CTNNA3: variants seen among roughly 807,000 people sequenced by gnomAD.
CTNNA3 encodes catenin alpha-3.
CTNNA3 carries 76 observed loss-of-function variants against 95.7 expected under a neutral mutation model. The observed-to-expected ratio is 0.79, with a 90% CI of 0.66 to 0.96. The LOEUF is 0.96. Among genes scored for constraint, CTNNA3 ranks in the 40% least tolerant of loss-of-function variants. The probability of loss-of-function intolerance (pLI) is 0.00; values close to 1 mark genes in which losing one functional copy is unlikely to be tolerated. For missense variants in CTNNA3, 1,191 were observed against 1,089.8 expected (o/e 1.09, Z -1.31); for synonymous variants, 431 against 374.4 (o/e 1.15, Z -1.74).
intron 15 of CTNNA3, among the ~76,000 whole-genome samples, chr10:66,041,707 G>T (rs2079691882): frequency 6.6e-6 from 1 of 151,208 alleles, no homozygotes; most frequent in South Asian, 2.1e-4. Context: ...ACATCAACTA[G>T]CATTTGCATT....
intron 13 of CTNNA3, among the ~76,000 whole-genome samples, chr10:66,235,712 C>G (rs980203928): frequency 6.6e-6 from 1 of 151,964 alleles, no homozygotes; most frequent in Non-Finnish European, 1.5e-5. Flanking sequence ...ATGAACATAT[C>G]CGATATTGGA....
intron 7 of CTNNA3, among the ~76,000 whole-genome samples, chr10:66,795,880 A>G (rs1234997689): frequency 6.6e-6 from 1 of 152,104 alleles, no homozygotes; most frequent in Non-Finnish European, 1.5e-5. Context: ...TCATGAACCA[A>G]CTTTTGCTAC....
chr10:66,717,266 A>G (rs1035947888), intron 9 of CTNNA3, among the ~76,000 whole-genome samples: 3 of 152,260 alleles, frequency 2.0e-5, no homozygotes, highest in African/African-American at 7.2e-5. Context: ...ACCCCGACTG[A>G]CACAGGTAAA....
At chr10:66,838,928 T>C (rs1406816019) in intron 7 of CTNNA3, among the ~76,000 whole-genome samples, 1 of 152,190 alleles carries the variant, frequency 6.6e-6, no homozygotes, top group Non-Finnish European at 1.5e-5. Flanking sequence ...TCTAAGTCCT[T>C]GGGTAGCCCC....
chr10:67,361,133 C>T (rs1016085374), intron 5 of CTNNA3, among the ~76,000 whole-genome samples: 2 of 152,070 alleles, frequency 1.3e-5, no homozygotes, highest in African/African-American at 2.4e-5. Flanking sequence ...CAGAACACAA[C>T]TGCCTATAGA....
intron 11 of CTNNA3, among the ~76,000 whole-genome samples, chr10:66,518,570 T>C (rs964145846): frequency 2.6e-5 from 4 of 152,134 alleles, no homozygotes; most frequent in African/African-American, 9.7e-5. Flanking sequence ...ATGTTGTTCA[T>C]AATAATTAAA....
intron 13 of CTNNA3, among the ~76,000 whole-genome samples, chr10:66,235,744 A>ATAGT (rs2089820957): frequency 6.6e-6 from 1 of 150,758 alleles, no homozygotes; most frequent in Non-Finnish European, 1.5e-5. Flanking sequence ...AAATACCCAG[A>ATAGT]TAGTTATGAT....
chr10:66,687,570 G>A (rs906106144), intron 9 of CTNNA3, among the ~76,000 whole-genome samples: 2 of 152,066 alleles, frequency 1.3e-5, no homozygotes, highest in Non-Finnish European at 2.9e-5. Context: ...ATTGTAGGAT[G>A]AATTACAAAC....
chr10:67,422,564 A>T (rs1845783203), intron 5 of CTNNA3, among the ~76,000 whole-genome samples: 1 of 152,030 alleles, frequency 6.6e-6, no homozygotes, highest in South Asian at 2.1e-4. Flanking sequence ...AAATTAGAGG[A>T]GGGGCCTGGT....
chr10:67,410,492 A>G (rs1845322006), intron 5 of CTNNA3, among the ~76,000 whole-genome samples: 1 of 152,158 alleles, frequency 6.6e-6, no homozygotes, highest in Non-Finnish European at 1.5e-5. Context: ...CACAACCTGT[A>G]CATGTACCCC....
chr10:66,295,685 C>T (rs913310692), intron 12 of CTNNA3, among the ~76,000 whole-genome samples: 1 of 152,138 alleles, frequency 6.6e-6, no homozygotes, highest in East Asian at 1.9e-4. Flanking sequence ...GAACTTTTTC[C>T]TCAGTGACTG....
intron 10 of CTNNA3, among the ~76,000 whole-genome samples, chr10:66,543,746 T>C (rs916036351): frequency 6.6e-6 from 1 of 151,544 alleles, no homozygotes; most frequent in East Asian, 1.9e-4. Flanking sequence ...ATTTCAATTA[T>C]AAGGAAAGCT....
chr10:66,399,197 T>C (rs1222708342), intron 11 of CTNNA3, among the ~76,000 whole-genome samples: 2 of 149,998 alleles, frequency 1.3e-5, no homozygotes, highest in Admixed American at 6.7e-5. Context: ...TGTTTTCTTA[T>C]AGTATTATTC....
At chr10:66,908,451 C>T (rs1846084665) in intron 7 of CTNNA3, among the ~76,000 whole-genome samples, 2 of 152,066 alleles carry the variant, frequency 1.3e-5, no homozygotes, top group South Asian at 2.1e-4. Flanking sequence ...CCTGCTTTAC[C>T]GAATGTTTAG....
At chr10:66,425,891 T>A (rs1450115161) in intron 11 of CTNNA3, among the ~76,000 whole-genome samples, 1 of 152,048 alleles carries the variant, frequency 6.6e-6, no homozygotes, top group Admixed American at 6.6e-5. Flanking sequence ...TCGTTCCCCA[T>A]ACAGACCCAC....
intron 7 of CTNNA3, among the ~76,000 whole-genome samples, chr10:66,783,682 C>G (rs891062732): frequency 1.3e-5 from 2 of 152,134 alleles, no homozygotes; most frequent in Non-Finnish European, 2.9e-5. Flanking sequence ...GAACCACTAC[C>G]AGAGTCTAAT....
chr10:67,346,886 C>G (rs16924402), intron 5 of CTNNA3, among the ~76,000 whole-genome samples: 1,670 of 152,032 alleles, frequency 0.011, 28 homozygotes, highest in African/African-American at 0.035. Context: ...CAGCTTGAGA[C>G]AGCAGATGTG....
chr10:66,771,518 G>T (rs1486566884), intron 8 of CTNNA3, among the ~76,000 whole-genome samples: 1 of 152,142 alleles, frequency 6.6e-6, no homozygotes, highest in Non-Finnish European at 1.5e-5. Context: ...GGTAAAATCA[G>T]TGTATTAGGC....
At chr10:67,188,259 G>A (rs2079744879) in intron 6 of CTNNA3, among the ~76,000 whole-genome samples, 1 of 152,212 alleles carries the variant, frequency 6.6e-6, no homozygotes, top group South Asian at 2.1e-4. Flanking sequence ...ACTTTGGGAG[G>A]CACAGATGAG....
Sources: allele counts gnomAD v4.1 joint callset (sites outside exome capture counted in the v4.1 genomes callset), GRCh38; gene constraint gnomAD v4.1.1; transcripts MANE v1.5; gene names NCBI Gene and HGNC (gene_info 2026-07-23, HGNC 2026-07-21).